The following ITGA9 variants were observed in gnomAD, a reference collection of about 807,000 sequenced individuals.
ITGA9 encodes integrin alpha-9.
In ITGA9, 56 loss-of-function variants were observed where a neutral mutation model predicts 127.8. The ratio of observed to expected loss-of-function variants is 0.44; its 90% CI spans 0.35 to 0.55. ITGA9 has a LOEUF of 0.55. Among genes scored for constraint, ITGA9 ranks in the 20% least tolerant of loss-of-function variants. ITGA9 has a pLI of 0.00. For synonymous variants in ITGA9, 508 were observed against 514.5 expected, an observed-to-expected ratio of 0.99 and a Z score of 0.17; for missense variants, 1,196 against 1,347.1, an observed-to-expected ratio of 0.89 and a Z score of 1.76.
chr3:37,489,235 A>G (rs930648665), intron 4 of ITGA9, among the ~76,000 whole-genome samples: 1 of 152,232 alleles, frequency 6.6e-6, no homozygotes. Flanking sequence ...TCATCTGTTT[A>G]TAAAACATTT....
intron 25 of ITGA9, 148 bp from the exon 26 acceptor site, chr3:37,784,829 G>T (rs1697019478): frequency 1.5e-6 from 1 of 685,790 alleles, no homozygotes. Context: ...TTATGTGGGT[G>T]CCTGGGATGG....
intron 4 of ITGA9, among the ~76,000 whole-genome samples, chr3:37,484,011 CT>C (rs772846287): frequency 2.0e-5 from 3 of 152,116 alleles, no homozygotes; most frequent in Non-Finnish European, 2.9e-5. Context: ...GTCAACAACC[CT>C]CACAAAGCAA....
chr3:37,649,036 G>C (rs1429731956), intron 16 of ITGA9, among the ~76,000 whole-genome samples: 1 of 149,888 alleles, frequency 6.7e-6, no homozygotes, highest in Admixed American at 6.6e-5. Context: ...ATTATTTCGT[G>C]TAAGCTCCTG....
chr3:37,626,876 T>G (rs891855601), intron 15 of ITGA9, among the ~76,000 whole-genome samples: 7 of 152,252 alleles, frequency 4.6e-5, no homozygotes, highest in African/African-American at 1.2e-4. Flanking sequence ...TATTTCATCA[T>G]TAAGGATTTA....
chr3:37,587,437 C>A (rs6550485), intron 15 of ITGA9, among the ~76,000 whole-genome samples: 2 of 152,014 alleles, frequency 1.3e-5, no homozygotes, highest in African/African-American at 2.4e-5. Context: ...GGTATTTTGA[C>A]GACAATGTTG....
intron 16 of ITGA9, among the ~76,000 whole-genome samples, chr3:37,635,582 T>G (rs1330288529): frequency 6.6e-6 from 1 of 151,880 alleles, no homozygotes; most frequent in African/African-American, 2.4e-5. Context: ...TTTTATTTTA[T>G]TTTATTTTAT....
chr3:37,808,587 TG>T (rs1697327473), intron 27 of ITGA9: 1 of 152,176 alleles, frequency 6.6e-6, no homozygotes, highest in Non-Finnish European at 1.5e-5. Flanking sequence ...CCAAATTGAA[TG>T]GCTTTTCACA....
At chr3:37,611,728 C>T (rs1673873524) in intron 15 of ITGA9, among the ~76,000 whole-genome samples, 1 of 152,104 alleles carries the variant, frequency 6.6e-6, no homozygotes, top group Non-Finnish European at 1.5e-5. Flanking sequence ...TCAGGATTTT[C>T]ACACACCACT....
intron 22 of ITGA9, chr3:37,748,974 A>T (rs2125537071): frequency 1.9e-6 from 1 of 530,882 alleles, no homozygotes; most frequent in African/African-American, 2.0e-5. Flanking sequence ...TCCTTAACCC[A>T]TTGACATAGC....
intron 26 of ITGA9, among the ~76,000 whole-genome samples, chr3:37,801,748 T>C (rs992989744): frequency 6.6e-6 from 1 of 152,210 alleles, no homozygotes; most frequent in South Asian, 2.1e-4. Context: ...CTGTGCCAGA[T>C]GCTATGCTGG....
intron 14 of ITGA9, among the ~76,000 whole-genome samples, chr3:37,538,041 A>C (rs891857792): frequency 6.6e-6 from 1 of 151,960 alleles, no homozygotes; most frequent in Non-Finnish European, 1.5e-5. Flanking sequence ...TGAAGCCTAA[A>C]CTTGCTTGTC....
At chr3:37,517,414 C>A in intron 9 of ITGA9, 90 bp from the exon 10 acceptor site, 1 of 964,704 alleles carries the variant, frequency 1.0e-6, no homozygotes, top group Non-Finnish European at 1.6e-6. Flanking sequence ...AGCAGGGCAG[C>A]ATTCAAACTC....
At chr3:37,794,561 T>C (rs538381450) in intron 26 of ITGA9, among the ~76,000 whole-genome samples, 2 of 152,320 alleles carry the variant, frequency 1.3e-5, no homozygotes, top group African/African-American at 4.8e-5. Context: ...GAATGAAGAC[T>C]CCTCGGGATT....
At chr3:37,760,744 A>G (rs1696714295) in intron 23 of ITGA9, among the ~76,000 whole-genome samples, 1 of 152,224 alleles carries the variant, frequency 6.6e-6, no homozygotes, top group African/African-American at 2.4e-5. Flanking sequence ...CATAATCTTT[A>G]GATGGGAAGC....
intron 23 of ITGA9, among the ~76,000 whole-genome samples, chr3:37,767,022 C>T (rs1400992176): frequency 1.3e-5 from 2 of 152,308 alleles, no homozygotes; most frequent in South Asian, 2.1e-4. Flanking sequence ...AAGCCCATCC[C>T]GTTTTACAGG....
intron 18 of ITGA9, among the ~76,000 whole-genome samples, chr3:37,727,838 C>T (rs929899775): frequency 1.3e-5 from 2 of 152,038 alleles, no homozygotes; most frequent in African/African-American, 4.8e-5. Context: ...AAGTAGTATC[C>T]AGGAGAATTT....
intron 15 of ITGA9, among the ~76,000 whole-genome samples, chr3:37,553,494 G>A (rs1364591338): frequency 1.3e-5 from 2 of 152,204 alleles, no homozygotes; most frequent in Non-Finnish European, 2.9e-5. Flanking sequence ...GATTCAGGAT[G>A]TATATTTTCT....
intron 18 of ITGA9, among the ~76,000 whole-genome samples, chr3:37,692,854 G>A (rs1177644256): frequency 1.3e-5 from 2 of 152,188 alleles, no homozygotes; most frequent in Non-Finnish European, 1.5e-5. Flanking sequence ...CCAAAGGGCT[G>A]GAGGAGTGCG....
chr3:37,704,848 G>A (rs1700986935), intron 18 of ITGA9, among the ~76,000 whole-genome samples: 1 of 152,152 alleles, frequency 6.6e-6, no homozygotes, highest in African/African-American at 2.4e-5. Context: ...GGCAATGCTG[G>A]GTTGTAGAAC....
Sources: gnomAD v4.1 joint callset for allele counts (sites outside exome capture counted in the v4.1 genomes callset) on GRCh38, gnomAD v4.1.1 for gene constraint, MANE v1.5 for transcripts, NCBI Gene and HGNC (gene_info 2026-07-23, HGNC 2026-07-21) for gene names.